ELAPOR2: variants seen among roughly 807,000 people sequenced by gnomAD.
ELAPOR2 encodes endosome-lysosome associated apoptosis and autophagy regulator family member 2.
ELAPOR2 carries 89 observed loss-of-function variants against 120.7 expected under a neutral mutation model. The observed-to-expected ratio is 0.74, with a 90% CI of 0.62 to 0.88. The LOEUF (loss-of-function observed/expected upper bound fraction) is 0.88. Among genes scored for constraint, ELAPOR2 ranks in the 40% least tolerant of loss-of-function variants. ELAPOR2 has a pLI of 0.00. For synonymous variants in ELAPOR2, 444 were observed against 444.9 expected, an observed-to-expected ratio of 1.00 and a Z score of 0.03; for missense variants, 1,134 against 1,251.6, an observed-to-expected ratio of 0.91 and a Z score of 1.42.
intron 1 of ELAPOR2, among the ~76,000 whole-genome samples, chr7:86,988,831 C>T (rs913108178): frequency 6.6e-6 from 1 of 152,206 alleles, no homozygotes; most frequent in African/African-American, 2.4e-5. Context: ...CAGCCTTAAA[C>T]TGCACACAAC....
intron 1 of ELAPOR2, among the ~76,000 whole-genome samples, chr7:87,010,672 T>C (rs1216455244): frequency 6.6e-6 from 1 of 152,168 alleles, no homozygotes; most frequent in Non-Finnish European, 1.5e-5. Flanking sequence ...ACAGGTACTA[T>C]TATAGTTTAA....
At chr7:87,043,988 A>G (rs1409927544) in intron 1 of ELAPOR2, among the ~76,000 whole-genome samples, 2 of 150,080 alleles carry the variant, frequency 1.3e-5, no homozygotes, top group East Asian at 2.0e-4. Context: ...CCAAATCATG[A>G]GTGAACTCCC....
rs114547327 is a variant in ELAPOR2 at position 87,018,687 on chromosome 7, G to C, written c.189+40638C>G. ...AGACAAATACAGAGAGAAACTACAT[G>C]AATGAGTTTGGACTCAAGCATATAT... is the stretch of plus-strand genomic sequence containing the variant. On this transcript the variant is annotated intron_variant, in intron 1 of 21. Transcript: ENST00000450689. Among the ~76,000 whole-genome samples, 554 of 152,304 alleles carry C rather than the reference G, an allele frequency of 3.6e-3. 1 individual carries two copies. The highest frequency in any genetic ancestry group is 0.034 in the Middle Eastern group (10 of 294).
chr7:86,907,569 C>A, intron 18 of ELAPOR2, 101 bp downstream of exon 18: 2 of 729,968 alleles, frequency 2.7e-6, no homozygotes, highest in Non-Finnish European at 4.3e-6. Flanking sequence ...GTTCTGTTTT[C>A]TTTCTGCTTT....
At chr7:86,985,500 G>C (rs538014591) in intron 1 of ELAPOR2, among the ~76,000 whole-genome samples, 8 of 152,154 alleles carry the variant, frequency 5.3e-5, no homozygotes, top group Non-Finnish European at 1.2e-4. Flanking sequence ...CCACAATCAA[G>C]TTGGCTTCAG....
intron 20 of ELAPOR2, among the ~76,000 whole-genome samples, 183 bp downstream of exon 20, chr7:86,892,737 TAC>T (rs1052380138): frequency 6.6e-6 from 1 of 152,070 alleles, no homozygotes; most frequent in Non-Finnish European, 1.5e-5. Flanking sequence ...ATGATCTTTC[TAC>T]TGTCAGAATA....
intron 2 of ELAPOR2, among the ~76,000 whole-genome samples, chr7:86,960,030 T>C (rs1042014888): frequency 4.1e-4 from 62 of 152,330 alleles, no homozygotes; most frequent in African/African-American, 1.0e-3. Context: ...CCTTTTGTTG[T>C]TGATTTCTGG....
rs1409304996 is a variant in ELAPOR2, at chr7:86,878,591, G to A, written c.*1880C>T. 1.3e-5 allele frequency: 2 copies of A among 152,178 alleles called. No individual in the cohort carries two copies. Among genetic ancestry groups the A allele is most frequent in the Admixed American group, 1.3e-4 (2 of 15,256 alleles). 9.4% of individuals were successfully genotyped at this position (152,178 alleles called of 1,614,324 possible). ...ATGAGGAGAAAGGTGACAGGTGGCTGTGGAAGTTTTCTCACTCTGTCCAGT... is the reference window on the plus strand; with the variant it reads ...ATGAGGAGAAAGGTGACAGGTGGCTATGGAAGTTTTCTCACTCTGTCCAGT... On this transcript the variant is annotated 3_prime_UTR_variant, in exon 22 of 22. Coordinates refer to ENST00000450689, the MANE Select transcript of ELAPOR2 (RefSeq NM_001142749.3).
intron 21 of ELAPOR2, among the ~76,000 whole-genome samples, chr7:86,881,475 C>G (rs1484145439): frequency 6.6e-6 from 1 of 151,598 alleles, no homozygotes; most frequent in Non-Finnish European, 1.5e-5. Context: ...TCCTGCCTCA[C>G]CCTCCTGAGT....
At chr7:86,906,523 T>C (rs1002322349) in intron 18 of ELAPOR2, among the ~76,000 whole-genome samples, 2 of 152,134 alleles carry the variant, frequency 1.3e-5, no homozygotes, top group African/African-American at 4.8e-5. Context: ...ACATAAGTAG[T>C]TGAAGCAATG....
rs1790686129 is a variant in ELAPOR2, at chr7:86,938,972, T to C, written c.848-12A>G. 6.2e-7 allele frequency: 1 copy of C among 1,612,388 alleles called. No individual in the cohort carries two copies. The highest frequency in any genetic ancestry group is 8.5e-7 in the Non-Finnish European group (1 of 1,179,036). On this transcript the variant is annotated splice_polypyrimidine_tract_variant and intron_variant, in intron 6 of 21. Coordinates refer to ENST00000450689, the MANE Select transcript of ELAPOR2 (RefSeq NM_001142749.3). ...TGTGTACGCCACCCCTGTGCAGTAA[T>C]GAAAAACAGAGCATGGGAGGGGGAC...
intron 8 of ELAPOR2, among the ~76,000 whole-genome samples, chr7:86,936,829 A>G (rs1205804945): frequency 6.6e-6 from 1 of 152,072 alleles, no homozygotes; most frequent in African/African-American, 2.4e-5. Flanking sequence ...ATTAACTAAT[A>G]AAAATACAGC....
chr7:87,036,005 G>A (rs1163459010), intron 1 of ELAPOR2, among the ~76,000 whole-genome samples: 1 of 152,104 alleles, frequency 6.6e-6, no homozygotes, highest in African/African-American at 2.4e-5. Context: ...AACAGTAAAA[G>A]GACAGAAATT....
chr7:87,025,582 A>G (rs1373199697), intron 1 of ELAPOR2, among the ~76,000 whole-genome samples: 1 of 152,042 alleles, frequency 6.6e-6, no homozygotes, highest in East Asian at 1.9e-4. Flanking sequence ...ACTCTGGTGC[A>G]CACATAACCA....
At chr7:87,042,494 C>T (rs1449059643) in intron 1 of ELAPOR2, among the ~76,000 whole-genome samples, 2 of 151,664 alleles carry the variant, frequency 1.3e-5, no homozygotes, top group African/African-American at 4.9e-5. Context: ...ATTGAACAAC[C>T]TGCTCCTGAA....
chr7:86,918,603 A>T, intron 11 of ELAPOR2, 59 bp from the exon 12 acceptor site: 1 of 1,062,122 alleles, frequency 9.4e-7, no homozygotes, highest in Non-Finnish European at 1.4e-6. Context: ...ATTTAGAATA[A>T]AATTAAGCCA....
At chr7:86,983,939 C>T (rs943941140) in intron 1 of ELAPOR2, among the ~76,000 whole-genome samples, 6 of 152,080 alleles carry the variant, frequency 3.9e-5, no homozygotes, top group Non-Finnish European at 5.9e-5. Flanking sequence ...ATTCAGGAGA[C>T]CCATCTCATG....
chr7:87,054,081 A>G (rs553073601), intron 1 of ELAPOR2, among the ~76,000 whole-genome samples: 1 of 152,324 alleles, frequency 6.6e-6, no homozygotes, highest in African/African-American at 2.4e-5. Flanking sequence ...CATGATAAAT[A>G]TATGTATATA....
At chr7:86,966,015 G>C (rs1791889219) in intron 1 of ELAPOR2, 2 of 953,558 alleles carry the variant, frequency 2.1e-6, no homozygotes, top group Non-Finnish European at 2.5e-6. Context: ...AACATTTTTT[G>C]CAATCTAGAT....
Sources: gnomAD v4.1 joint callset for allele counts (sites outside exome capture counted in the v4.1 genomes callset) on GRCh38, gnomAD v4.1.1 for gene constraint, MANE v1.5 for transcripts, NCBI Gene and HGNC (gene_info 2026-07-23, HGNC 2026-07-21) for gene names.